Variants in RNF169 observed in about 807,000 individuals in gnomAD.
The protein encoded by RNF169 is ring finger protein 169.
Under a neutral mutation model 53.9 loss-of-function variants are expected in RNF169, and 24 were observed. The ratio of observed to expected loss-of-function variants is 0.45; its 90% CI spans 0.32 to 0.63. The LOEUF (loss-of-function observed/expected upper bound fraction) is 0.63. Ranked by LOEUF, RNF169 falls within the 20% of genes least tolerant of loss-of-function variation. RNF169 has a pLI of 0.04. For synonymous variants in RNF169, 396 were observed against 363.5 expected, an observed-to-expected ratio of 1.09 and a Z score of -1.02; for missense variants, 883 against 906.2, an observed-to-expected ratio of 0.97 and a Z score of 0.33.
intron 2 of RNF169, among the ~76,000 whole-genome samples, chr11:74,809,638 AG>A (rs1173999799): frequency 6.6e-6 from 1 of 152,250 alleles, no homozygotes; most frequent in Non-Finnish European, 1.5e-5. Context: ...TGGGCAACAT[AG>A]TGAGACCCCA....
At chr11:74,792,255 G>A (rs1311193588) in intron 2 of RNF169, among the ~76,000 whole-genome samples, 2 of 152,042 alleles carry the variant, frequency 1.3e-5, no homozygotes, top group African/African-American at 4.8e-5. Flanking sequence ...ATTTCAGAAT[G>A]TACACATACA....
intron 1 of RNF169, among the ~76,000 whole-genome samples, chr11:74,765,189 A>C (rs901848501): frequency 6.6e-6 from 1 of 152,244 alleles, no homozygotes; most frequent in Non-Finnish European, 1.5e-5. Context: ...AACCTAGGTG[A>C]CAGAGCGAGA....
Position 74,810,295 on chromosome 11 carries a change from G to A in RNF169, c.688G>A (p.Asp230Asn). 3 of 1,613,810 alleles carry A rather than the reference G, an allele frequency of 1.9e-6. No individual in the cohort carries two copies. Among genetic ancestry groups the A allele is most frequent in the Non-Finnish European group, 2.5e-6 (3 of 1,179,840 alleles). Reference protein sequence around the residue: ...KRKMDEQKKRDEPLVLKTNLE... With the variant: ...KRKMDEQKKRNEPLVLKTNLE... ...GAAAATGGATGAACAGAAAAAAAGA[G>A]ATGAACCATTAGTACTGAAAACAAA... The change falls in exon 3 of 6, where the codon GAT (aspartate) becomes AAT (asparagine). Residue 230 changes from aspartate to asparagine, a missense_variant. Physicochemically the swap from Asp to Asn is conservative, Grantham distance 23 (BLOSUM62 1). This residue lies in a region of RNF169 where 219 missense variants were observed against 289.1 expected (regional missense o/e 0.76). Coordinates refer to ENST00000299563, the MANE Select transcript of RNF169 (RefSeq NM_001098638.2).
rs185782080 is a variant in RNF169, at chr11:74,810,177, T to C, written c.577-7T>C. ...AACTACTGTGTTTGCATAATTTATA[T>C]TTTTAGCTGAGAGAAGAAAAGTTAC... is the stretch of plus-strand genomic sequence containing the variant. On this transcript the variant is annotated splice_region_variant and splice_polypyrimidine_tract_variant and intron_variant, in intron 2 of 5. Transcript: ENST00000299563. The C allele has an allele frequency of 5.0e-6, 8 of 1,602,344 alleles. No individual in the cohort carries two copies. In the Admixed American group the frequency reaches 1.4e-4, roughly 28 times the overall value.
chr11:74,811,495 A>G (rs187246340), intron 3 of RNF169, among the ~76,000 whole-genome samples: 1 of 152,238 alleles, frequency 6.6e-6, no homozygotes, highest in African/African-American at 2.4e-5. Flanking sequence ...TCGGCCTCCC[A>G]AAGTGCTGGG....
intron 2 of RNF169, chr11:74,807,731 C>G (rs2035824553): frequency 6.6e-6 from 1 of 152,120 alleles, no homozygotes; most frequent in African/African-American, 2.4e-5. Context: ...AAGAGTTCAA[C>G]AAACAACAGC....
chr11:74,785,505 C>G (rs112308738), intron 1 of RNF169, among the ~76,000 whole-genome samples: 4 of 150,574 alleles, frequency 2.7e-5, no homozygotes, highest in African/African-American at 7.3e-5. Flanking sequence ...TAAGATAGAA[C>G]GTAGGATTAA....
chr11:74,836,104 C>G lies in RNF169; in HGVS notation c.1501C>G (p.Leu501Val), dbSNP rs772546117. 8 of 1,614,178 alleles carry G rather than the reference C, an allele frequency of 5.0e-6. No individual in the cohort carries two copies. In the East Asian group the frequency reaches 6.7e-5, roughly 13 times the overall value. ...GTATACTGGACCCACCTCTGCTGAT[C>G]TTGATCATTTCCCCTCTGTTAGCCA... ...SEYTGPTSADLDHFPSVSQTK... is the reference protein window; with the variant it reads ...SEYTGPTSADVDHFPSVSQTK... The change falls in exon 6 of 6, where the codon CTT (leucine) becomes GTT (valine). Residue 501 changes from leucine to valine, a missense_variant. Coordinates refer to ENST00000299563, the MANE Select transcript of RNF169 (RefSeq NM_001098638.2).
chr11:74,764,493 G>A (rs988817698), intron 1 of RNF169, among the ~76,000 whole-genome samples: 1 of 152,120 alleles, frequency 6.6e-6, no homozygotes, highest in Admixed American at 6.5e-5. Context: ...TCCAGCTTGG[G>A]CAACCATGAG....
At chr11:74,799,241 G>A (rs1276233224) in intron 2 of RNF169, among the ~76,000 whole-genome samples, 1 of 151,948 alleles carries the variant, frequency 6.6e-6, no homozygotes, top group Non-Finnish European at 1.5e-5. Flanking sequence ...AAGATATACA[G>A]GTAACAGGTG....
At chr11:74,810,720 TGTA>T (rs2035863636) in intron 3 of RNF169, among the ~76,000 whole-genome samples, 1 of 152,238 alleles carries the variant, frequency 6.6e-6, no homozygotes, top group Non-Finnish European at 1.5e-5. Flanking sequence ...CTTTATTTGT[TGTA>T]ATACCCTAAG....
At position 74,840,432 on chromosome 11, in the gene RNF169, G is replaced by C. The variant is rs1487503822; in HGVS notation, c.*3702G>C. 1 of 152,330 alleles carries C rather than the reference G, an allele frequency of 6.6e-6. No homozygotes were observed. Among genetic ancestry groups the C allele is most frequent in the Middle Eastern group, 3.4e-3 (1 of 294 alleles). The allele number at this position is 152,330 out of a possible 1,614,324, so 9.4% of individuals were successfully genotyped here. ...CACCGCTTTTCCTTTACTAAGTAAT[G>C]TTATGGAAGGAGAATGAATTTTCTC... On this transcript the variant is annotated 3_prime_UTR_variant, in exon 6 of 6. Coordinates refer to ENST00000299563, the MANE Select transcript of RNF169 (RefSeq NM_001098638.2).
At chr11:74,823,236 C>T (rs2036041636) in intron 4 of RNF169, among the ~76,000 whole-genome samples, 2 of 152,094 alleles carry the variant, frequency 1.3e-5, no homozygotes, top group South Asian at 4.1e-4. Context: ...TAATAAAACA[C>T]CTTTCTTGCT....
chr11:74,824,675 G>A (rs1222273910), intron 4 of RNF169, among the ~76,000 whole-genome samples: 6 of 152,194 alleles, frequency 3.9e-5, no homozygotes, highest in African/African-American at 7.2e-5. Flanking sequence ...TTACCAAAAC[G>A]TGACACAAGA....
chr11:74,785,499 A>G (rs1051745888), intron 1 of RNF169, among the ~76,000 whole-genome samples: 3 of 151,180 alleles, frequency 2.0e-5, no homozygotes, highest in African/African-American at 7.3e-5. Context: ...TACAGCTAAG[A>G]TAGAACGTAG....
At chr11:74,824,495 A>G (rs2036063941) in intron 4 of RNF169, among the ~76,000 whole-genome samples, 2 of 152,226 alleles carry the variant, frequency 1.3e-5, no homozygotes, top group Non-Finnish European at 1.5e-5. Context: ...GAAAGACATA[A>G]GTCTACACAT....
chr11:74,751,178 T>C (rs2034889347), intron 1 of RNF169, among the ~76,000 whole-genome samples: 1 of 152,088 alleles, frequency 6.6e-6, no homozygotes, highest in African/African-American at 2.4e-5. Context: ...GCCCTCGTTA[T>C]TCCTTTTAAG....
At chr11:74,809,970 C>T (rs2035853515) in intron 2 of RNF169, among the ~76,000 whole-genome samples, 1 of 152,136 alleles carries the variant, frequency 6.6e-6, no homozygotes. Flanking sequence ...CTTAAGAATG[C>T]AGAGCAGTTA....
At chr11:74,826,615 A>G (rs982868174) in intron 4 of RNF169, among the ~76,000 whole-genome samples, 1 of 152,274 alleles carries the variant, frequency 6.6e-6, no homozygotes, top group African/African-American at 2.4e-5. Flanking sequence ...CCTGCTGCCT[A>G]TGAGCCTGTA....
Sources: gnomAD v4.1 joint callset for allele counts (sites outside exome capture counted in the v4.1 genomes callset) on GRCh38, gnomAD v4.1.1 for gene constraint, gnomAD v4.1.1 regional missense constraint, MANE v1.5 for transcripts, NCBI Gene and HGNC (gene_info 2026-07-23, HGNC 2026-07-21) for gene names.